DRGX: variants seen among roughly 807,000 people sequenced by gnomAD.
The protein encoded by DRGX is dorsal root ganglia homeobox, also known as dorsal root ganglia homeobox protein.
A neutral mutation model predicts 28.6 loss-of-function variants in DRGX; 21 were observed. The observed-to-expected ratio is 0.73, with a 90% CI of 0.52 to 1.06. The LOEUF is 1.06. Among genes scored for constraint, DRGX ranks in the 50% least tolerant of loss-of-function variants. DRGX has a pLI of 0.00. For synonymous variants in DRGX, 136 were observed against 139.1 expected (o/e 0.98, Z 0.16); for missense variants, 354 against 343.9 (o/e 1.03, Z -0.23).
chr10:49,367,485 C>T (rs1157594866), intron 6 of DRGX, among the ~76,000 whole-genome samples: 2 of 152,230 alleles, frequency 1.3e-5, no homozygotes, highest in African/African-American at 4.8e-5. Context: ...ACTTAGTGAG[C>T]TGCTTGGACC....
At chr10:49,391,955 A>G in intron 2 of DRGX, 1 of 458,648 alleles carries the variant, frequency 2.2e-6, no homozygotes, top group Non-Finnish European at 4.5e-6. Context: ...GCCACTCTCA[A>G]AGGGCACCCC....
At position 49,395,468 on chromosome 10, in the gene DRGX, C is replaced by T. The variant is rs1208907810; in HGVS notation, c.-28G>A. ...CCGGCTGTCAGATCGGCTGGACGGC[C>T]GAGACCTGGGAGGGTGGCAGCAGAA... On this transcript the variant is annotated 5_prime_UTR_variant, in exon 2 of 7. Transcript: ENST00000374139. 2 of 1,549,720 alleles carry T rather than the reference C, an allele frequency of 1.3e-6. No homozygotes were observed. The highest frequency in any genetic ancestry group is 2.7e-5 in the African/African-American group (2 of 73,170).
rs548963868 is a variant in DRGX, at chr10:49,370,572, G to C, written c.527-4191C>G. On this transcript the variant is annotated intron_variant, in intron 6 of 6. Transcript: ENST00000374139. ...AGCCACACCTAGGAATGTGGCAAAT[G>C]AGCCCTGGCCATCTGAAGGGAGGTC... Among the ~76,000 whole-genome samples, 15 of 152,358 alleles carry C rather than the reference G, an allele frequency of 9.8e-5. 1 individual carries two copies. The East Asian group carries it at 2.5e-3, about 25-fold the overall frequency.
Position 49,366,099 on chromosome 10 carries a change from CG to C in DRGX, c.*16del. On this transcript the variant is annotated 3_prime_UTR_variant, in exon 7 of 7. Coordinates refer to ENST00000374139, the MANE Select transcript of DRGX (RefSeq NM_001276451.2). Reference sequence around the variant, plus strand: ...GAGGGGCGGGGGAGGGCAGGCCGGGCGGGGCACTGTGGACCCTCATACACTC... The same window carrying C: ...GAGGGGCGGGGGAGGGCAGGCCGGGCGGGCACTGTGGACCCTCATACACTC... The C allele has an allele frequency of 6.5e-7, 1 of 1,528,752 alleles. No individual in the cohort carries two copies. The allele number at this position is 1,528,752 out of a possible 1,614,324, so 94.7% of individuals were successfully genotyped here.
intron 6 of DRGX, among the ~76,000 whole-genome samples, chr10:49,374,023 A>C (rs1419104555): frequency 6.6e-6 from 1 of 152,198 alleles, no homozygotes; most frequent in Non-Finnish European, 1.5e-5. Context: ...AAATGTTCCA[A>C]TACCAAAATA....
intron 2 of DRGX, among the ~76,000 whole-genome samples, chr10:49,393,195 A>G (rs949016750): frequency 6.6e-6 from 1 of 152,270 alleles, no homozygotes; most frequent in Non-Finnish European, 1.5e-5. Context: ...AATACTACAC[A>G]GCAGTTTAAA....
At chr10:49,381,779 A>G (rs1849779361) in intron 6 of DRGX, among the ~76,000 whole-genome samples, 2 of 152,226 alleles carry the variant, frequency 1.3e-5, no homozygotes, top group South Asian at 2.1e-4. Context: ...ACAGGGGAGC[A>G]GCACCCAGGG....
intron 2 of DRGX, among the ~76,000 whole-genome samples, chr10:49,392,267 A>G (rs1849914671): frequency 6.6e-6 from 1 of 152,230 alleles, no homozygotes; most frequent in Non-Finnish European, 1.5e-5. Flanking sequence ...GGACCCTCAG[A>G]AGGACCTCAG....
At chr10:49,382,932 C>T (rs1849793085) in intron 6 of DRGX, among the ~76,000 whole-genome samples, 1 of 152,132 alleles carries the variant, frequency 6.6e-6, no homozygotes, top group Non-Finnish European at 1.5e-5. Context: ...GGAGAGGGAC[C>T]CCGGGGAGAA....
intron 1 of DRGX, 46 bp from the exon 2 acceptor site, chr10:49,395,567 G>C: frequency 1.7e-6 from 2 of 1,200,104 alleles, no homozygotes; most frequent in Non-Finnish European, 2.4e-6. Flanking sequence ...CTCTGCCAGC[G>C]CTCCCGCCCA....
At chr10:49,380,137 T>C (rs1325306880) in intron 6 of DRGX, among the ~76,000 whole-genome samples, 1 of 152,230 alleles carries the variant, frequency 6.6e-6, no homozygotes, top group Non-Finnish European at 1.5e-5. Flanking sequence ...TGCCGCCACT[T>C]GGCAGGCTGT....
chr10:49,385,521 T>C (rs1185138133), intron 6 of DRGX, among the ~76,000 whole-genome samples: 2 of 152,094 alleles, frequency 1.3e-5, no homozygotes, highest in African/African-American at 2.4e-5. Flanking sequence ...GGAGACTCCA[T>C]CATATTCTCC....
At chr10:49,371,496 A>G (rs892099087) in intron 6 of DRGX, among the ~76,000 whole-genome samples, 1 of 151,956 alleles carries the variant, frequency 6.6e-6, no homozygotes, top group Non-Finnish European at 1.5e-5. Context: ...TCTACAAAAT[A>G]TACAAAAAAA....
intron 2 of DRGX, chr10:49,391,965 C>T (rs1849911616): frequency 6.7e-6 from 3 of 448,580 alleles, no homozygotes; most frequent in Admixed American, 5.2e-5. Flanking sequence ...AAGGGCACCC[C>T]ACCCTCTGGC....
rs202198114 is a variant in DRGX, at chr10:49,386,788, G to T, written c.305C>A (p.Ala102Asp). The T allele has an allele frequency of 8.9e-5, 143 of 1,608,878 alleles. No homozygotes were observed. Among genetic ancestry groups the T allele is most frequent in the Non-Finnish European group, 1.2e-4 (139 of 1,177,700 alleles). The change falls in exon 5 of 7, where the codon GCC becomes GAC. Residue 102 changes from alanine to aspartate, a missense_variant. Ala to Asp is a moderately radical substitution (Grantham distance 126). Coordinates refer to ENST00000374139, the MANE Select transcript of DRGX (RefSeq NM_001276451.2). Reference protein sequence around the residue: ...ERGASDQEPGAKEPMAEVTPP... With the variant: ...ERGASDQEPGDKEPMAEVTPP... ...TGTCACCTCTGCCATGGGCTCCTTGGCTCCTGGCTCCTGGTCTGAGGCCCC... is the reference window on the plus strand; with the variant it reads ...TGTCACCTCTGCCATGGGCTCCTTGTCTCCTGGCTCCTGGTCTGAGGCCCC...
chr10:49,393,082 C>T lies in DRGX; in HGVS notation c.35-1821G>A, dbSNP rs531612617. On this transcript the variant is annotated intron_variant, in intron 2 of 6. Coordinates refer to ENST00000374139, the MANE Select transcript of DRGX (RefSeq NM_001276451.2). Reference sequence around the variant, plus strand: ...TCTATAAATATATTTGTAATGTGTGCCAAAATAGAAAAAAAAAGTGCTTCT... The same window carrying T: ...TCTATAAATATATTTGTAATGTGTGTCAAAATAGAAAAAAAAAGTGCTTCT... 3.3e-5 allele frequency among the ~76,000 whole-genome samples: 5 copies of T among 151,198 alleles called. No homozygotes were observed. The South Asian group carries it at 8.4e-4, about 25-fold the overall frequency.
intron 6 of DRGX, among the ~76,000 whole-genome samples, chr10:49,371,706 C>A (rs1229988521): frequency 1.3e-5 from 2 of 148,584 alleles, no homozygotes; most frequent in Non-Finnish European, 3.0e-5. Context: ...GTAGGAGAAT[C>A]GCTTGAACCC....
intron 6 of DRGX, among the ~76,000 whole-genome samples, chr10:49,382,859 G>C (rs759460375): frequency 2.0e-5 from 3 of 152,148 alleles, no homozygotes; most frequent in Admixed American, 6.5e-5. Context: ...TTCTCCTTCT[G>C]TCTCCAGAAA....
At chr10:49,376,358 C>G (rs1849716833) in intron 6 of DRGX, among the ~76,000 whole-genome samples, 1 of 152,210 alleles carries the variant, frequency 6.6e-6, no homozygotes, top group Non-Finnish European at 1.5e-5. Flanking sequence ...GAGTCCTCTG[C>G]TCCCCAAATA....
Sources: allele counts gnomAD v4.1 joint callset (sites outside exome capture counted in the v4.1 genomes callset), GRCh38; gene constraint gnomAD v4.1.1; transcripts MANE v1.5; gene names NCBI Gene and HGNC (gene_info 2026-07-23, HGNC 2026-07-21).